CACNA1C: variants seen among roughly 807,000 people sequenced by gnomAD.
CACNA1C encodes the protein calcium voltage-gated channel subunit alpha1 C.
In CACNA1C, 30 loss-of-function variants were observed where a neutral mutation model predicts 229.0. The observed-to-expected ratio is 0.13, with a 90% CI of 0.10 to 0.18. CACNA1C has a LOEUF of 0.18. Among genes scored for constraint, CACNA1C ranks in the 10% least tolerant of loss-of-function variants. The pLI is 1.00. For missense variants in CACNA1C, 1,658 were observed against 2,845.0 expected (o/e 0.58, Z 9.49); for synonymous variants, 1,114 against 1,132.5 (o/e 0.98, Z 0.33).
At chr12:2,251,456 G>A (rs1256637795) in intron 3 of CACNA1C, among the ~76,000 whole-genome samples, 1 of 152,212 alleles carries the variant, frequency 6.6e-6, no homozygotes, top group Admixed American at 6.5e-5. Flanking sequence ...ATTTCCAGCA[G>A]AGGTTTCCAA....
At chr12:2,259,848 A>T (rs555618629) in intron 3 of CACNA1C, among the ~76,000 whole-genome samples, 2 of 152,122 alleles carry the variant, frequency 1.3e-5, no homozygotes, top group African/African-American at 2.4e-5. Context: ...AGGTGGGAGA[A>T]TTGCTTGAGC....
intron 3 of CACNA1C, among the ~76,000 whole-genome samples, chr12:2,203,895 G>A (rs886172321): frequency 6.6e-6 from 1 of 152,176 alleles, no homozygotes; most frequent in Non-Finnish European, 1.5e-5. Context: ...CAGGGCCCAG[G>A]TCCCCGGCAC....
chr12:2,142,343 T>A (rs887372509), intron 3 of CACNA1C, among the ~76,000 whole-genome samples: 1 of 151,074 alleles, frequency 6.6e-6, no homozygotes, highest in African/African-American at 2.4e-5. Context: ...TACTTACGTG[T>A]GTGTGGTGGT....
At chr12:2,322,031 T>C (rs1201748785) in intron 3 of CACNA1C, among the ~76,000 whole-genome samples, 1 of 152,244 alleles carries the variant, frequency 6.6e-6, no homozygotes, top group Non-Finnish European at 1.5e-5. Flanking sequence ...CTCATTATTG[T>C]GTTCAATAGC....
intron 1 of CACNA1C, among the ~76,000 whole-genome samples, chr12:2,103,799 A>G (rs1445910507): frequency 6.6e-6 from 1 of 152,252 alleles, no homozygotes; most frequent in Non-Finnish European, 1.5e-5. Context: ...GCATATGGCT[A>G]GCCAATATTT....
rs56269265 is a variant in CACNA1C, at chr12:2,597,094, G to T, written c.2794-136G>T. 15,126 of 652,562 alleles carry T rather than the reference G, an allele frequency of 0.023. 235 individuals carry two copies. The highest frequency in any genetic ancestry group is 0.049 in the Middle Eastern group (193 of 3,948). The allele number at this position is 652,562 out of a possible 1,614,324, so 40.4% of individuals were successfully genotyped here. A position where few individuals can be genotyped will look rare whatever the true frequency, so the allele number is the denominator to read the frequency against. ...GCCCCCCATGTCCATCTGTGTCCCTGTGCAAAGGCTTAAGTGCCAGGCATC... is the reference window on the plus strand; with the variant it reads ...GCCCCCCATGTCCATCTGTGTCCCTTTGCAAAGGCTTAAGTGCCAGGCATC... On this transcript the variant is annotated intron_variant, in intron 20 of 46. Coordinates refer to ENST00000399655, the MANE Select transcript of CACNA1C (RefSeq NM_000719.7). The surrounding 1 kb of genome is among the most constrained non-coding windows in gnomAD (Gnocchi z 4.3).
intron 38 of CACNA1C, among the ~76,000 whole-genome samples, chr12:2,672,842 G>A (rs2096624798): frequency 6.6e-6 from 1 of 152,226 alleles, no homozygotes; most frequent in African/African-American, 2.4e-5. Flanking sequence ...TGAATACCAT[G>A]TGTGTTAGGA....
intron 3 of CACNA1C, among the ~76,000 whole-genome samples, chr12:2,416,830 T>C (rs1479051434): frequency 6.6e-6 from 1 of 152,196 alleles, no homozygotes; most frequent in Non-Finnish European, 1.5e-5. Flanking sequence ...AAACGAGGAC[T>C]CTAAGAATCA....
At chr12:2,124,109 CGT>C (rs36202591) in intron 3 of CACNA1C, among the ~76,000 whole-genome samples, 5,467 of 145,562 alleles carry the variant, frequency 0.038, 131 homozygotes, top group African/African-American at 0.07. Flanking sequence ...TGGTCTAGCT[CGT>C]GTGTGTGTGT....
intron 5 of CACNA1C, among the ~76,000 whole-genome samples, chr12:2,477,914 C>T (rs939327128): frequency 5.3e-5 from 8 of 151,826 alleles, no homozygotes; most frequent in Non-Finnish European, 7.4e-5. Context: ...GGGACAACCT[C>T]GTAGAAATAT....
chr12:2,484,175 A>C (rs1383508777), intron 5 of CACNA1C, among the ~76,000 whole-genome samples: 1 of 152,230 alleles, frequency 6.6e-6, no homozygotes, highest in African/African-American at 2.4e-5. Context: ...AAATAGTTCC[A>C]AGAAGACATA....
Position 2,610,464 on chromosome 12 carries a change from C to T in CACNA1C, c.3559-77C>T. 5 of 1,474,290 alleles carry T rather than the reference C, an allele frequency of 3.4e-6. No homozygotes were observed. The South Asian group carries it at 6.3e-5, about 19-fold the overall frequency. The allele number at this position is 1,474,290 out of a possible 1,614,324, so 91.3% of individuals were successfully genotyped here. ...CCACAGTGTGTGGTCTCATCACATC[C>T]CACACTTCTCTGCCAGCTCCCCCCA... is the stretch of plus-strand genomic sequence containing the variant. On this transcript the variant is annotated intron_variant, in intron 27 of 46. Coordinates refer to ENST00000399655, the MANE Select transcript of CACNA1C (RefSeq NM_000719.7).
chr12:2,568,501 A>G (rs945471339), intron 13 of CACNA1C, among the ~76,000 whole-genome samples: 8 of 152,212 alleles, frequency 5.3e-5, no homozygotes, highest in African/African-American at 1.9e-4. Context: ...GATCTCAAAG[A>G]GATATTTGCA....
At chr12:2,230,668 T>C (rs1599910602) in intron 3 of CACNA1C, among the ~76,000 whole-genome samples, 4 of 152,222 alleles carry the variant, frequency 2.6e-5, no homozygotes, top group South Asian at 2.1e-4. Context: ...GAAAAGAGGC[T>C]AGAATCTTCC....
intron 3 of CACNA1C, among the ~76,000 whole-genome samples, chr12:2,161,817 C>T (rs546337304): frequency 6.6e-6 from 1 of 152,308 alleles, no homozygotes; most frequent in Non-Finnish European, 1.5e-5. Context: ...CGTTTATATA[C>T]CTTGCTGGTG....
At position 2,504,764 on chromosome 12, in the gene CACNA1C, G is replaced by A; in HGVS notation, c.1114-78G>A. On this transcript the variant is annotated intron_variant, in intron 7 of 46. Coordinates refer to ENST00000399655, the MANE Select transcript of CACNA1C (RefSeq NM_000719.7). This position sits in a 1 kb window ranked among gnomAD's most constrained non-coding sequence, Gnocchi z 6.8. The stretch of plus-strand genomic sequence containing the variant: ...GGATCCTGGCGCTGCGTGGGTCAGT[G>A]TCTCGGGAGCCGGGGACCGGCACTG... 1.1e-6 allele frequency: 1 copy of A among 922,804 alleles called. No individual in the cohort carries two copies. 57.2% of individuals were successfully genotyped at this position (922,804 alleles called of 1,614,324 possible).
At chr12:2,366,200 G>T (rs2097714989) in intron 3 of CACNA1C, among the ~76,000 whole-genome samples, 1 of 152,168 alleles carries the variant, frequency 6.6e-6, no homozygotes, top group African/African-American at 2.4e-5. Flanking sequence ...CTAATTGTGG[G>T]ACTGTGCGAG....
Position 2,611,923 on chromosome 12 carries a change from G to T in CACNA1C, c.3738G>T (p.Leu1246=). 1 of 1,613,204 alleles carries T rather than the reference G, an allele frequency of 6.2e-7. No individual in the cohort carries two copies. The highest frequency in any genetic ancestry group is 8.5e-7 in the Non-Finnish European group (1 of 1,179,236). Residue 1246 remains leucine (L), a synonymous_variant, in exon 29 of 47, where the codon CTG becomes CTT. Coordinates refer to ENST00000399655, the MANE Select transcript of CACNA1C (RefSeq NM_000719.7). ...LAMQHYGQSC[L]FKIAMNILNM... is the part of the protein sequence containing the mutation. Reference sequence around the variant, plus strand: ...TGCAGCACTACGGCCAGAGCTGCCTGTTCAAAATCGCCATGAACATCCTCA... The same window carrying T: ...TGCAGCACTACGGCCAGAGCTGCCTTTTCAAAATCGCCATGAACATCCTCA...
Position 2,466,662 on chromosome 12 carries a change from G to A in CACNA1C, c.757+8956G>A, listed in dbSNP as rs1445839485. The stretch of plus-strand genomic sequence containing the variant: ...CCCACAGGATGCTGCTGGTGCAGCT[G>A]AGCACAAGCCTGGGTAGGCAGAGGA... On this transcript the variant is annotated intron_variant, in intron 5 of 46. Transcript: ENST00000399655. Among the ~76,000 whole-genome samples the A allele has an allele frequency of 2.0e-5, 3 of 152,200 alleles. No homozygotes were observed. The East Asian group carries it at 5.8e-4, about 29-fold the overall frequency.
Sources: gnomAD v4.1 joint callset for allele counts (sites outside exome capture counted in the v4.1 genomes callset) on GRCh38, gnomAD v4.1.1 for gene constraint, Gnocchi (gnomAD v3.1) non-coding constraint, MANE v1.5 for transcripts, NCBI Gene and HGNC (gene_info 2026-07-23, HGNC 2026-07-21) for gene names.